MYOF: variants seen among roughly 807,000 people sequenced by gnomAD.
MYOF encodes myoferlin, also known as fer-1-like 3, myoferlin.
A neutral mutation model predicts 284.2 loss-of-function variants in MYOF; 244 were observed. That is an observed-to-expected ratio of 0.86 (90% confidence interval 0.77 to 0.95). The LOEUF is 0.95. Ranked by LOEUF, MYOF falls within the 40% of genes least tolerant of loss-of-function variation. The pLI, the probability that MYOF is intolerant of heterozygous loss-of-function variation, is 0.00. For synonymous variants in MYOF, 904 were observed against 919.7 expected (o/e 0.98, Z 0.31); for missense variants, 2,496 against 2,560.6 (o/e 0.97, Z 0.54).
In MYOF at chr10:93,429,939, A is replaced by AT. The variant is rs373810655; in HGVS notation, c.345+1468dup. ...ATATTAAGATGTACTTATTTTTTTA[A>AT]TTTTTTTTTTTTTGAGATGGAGTCT... On this transcript the variant is annotated intron_variant, in intron 4 of 53. Coordinates refer to ENST00000359263, the MANE Select transcript of MYOF (RefSeq NM_013451.4). Among the ~76,000 whole-genome samples, 897 of 145,546 alleles carry AT rather than the reference A, an allele frequency of 6.2e-3. 4 individuals carry two copies. Among genetic ancestry groups the AT allele is most frequent in the Middle Eastern group, 0.018 (5 of 274 alleles).
chr10:93,349,494 G>A (rs888334467), intron 36 of MYOF, among the ~76,000 whole-genome samples: 5 of 152,218 alleles, frequency 3.3e-5, no homozygotes, highest in South Asian at 2.1e-4. Context: ...ATGACTGGGG[G>A]TTAATATTCT....
chr10:93,469,485 A>G (rs1016191200), intron 1 of MYOF, among the ~76,000 whole-genome samples: 3 of 152,168 alleles, frequency 2.0e-5, no homozygotes, highest in African/African-American at 7.2e-5. Flanking sequence ...CATGGAAGCC[A>G]TCATAATGTG....
At chr10:93,368,028 G>A (rs1232141226) in intron 25 of MYOF, among the ~76,000 whole-genome samples, 5 of 151,924 alleles carry the variant, frequency 3.3e-5, no homozygotes, top group African/African-American at 1.2e-4. Flanking sequence ...GGGAAAGAGT[G>A]GAAGGAAGCC....
At chr10:93,409,340 A>T (rs953026286) in intron 6 of MYOF, among the ~76,000 whole-genome samples, 1 of 152,148 alleles carries the variant, frequency 6.6e-6, no homozygotes, top group African/African-American at 2.4e-5. Context: ...TGCCAAAGGG[A>T]AGGAGAATTA....
chr10:93,329,958 G>T, intron 43 of MYOF, 124 bp from the exon 44 acceptor site: 2 of 947,596 alleles, frequency 2.1e-6, no homozygotes, highest in Non-Finnish European at 1.6e-6. Context: ...ATCTGAGCAG[G>T]ATAACCAGGG....
At chr10:93,442,102 T>C (rs867552870) in intron 3 of MYOF, among the ~76,000 whole-genome samples, 44 of 150,880 alleles carry the variant, frequency 2.9e-4, no homozygotes, top group African/African-American at 1.1e-3. Flanking sequence ...CTATGTAAAA[T>C]CCACATGCTT....
chr10:93,353,790 T>C (rs201079530), intron 32 of MYOF, 21 bp downstream of exon 32: 7 of 1,585,584 alleles, frequency 4.4e-6, no homozygotes, highest in African/African-American at 1.4e-5. Flanking sequence ...ATGTGTAGCA[T>C]GTAGATTTTT....
chr10:93,471,966 C>T (rs1589619741), intron 1 of MYOF, among the ~76,000 whole-genome samples: 3 of 152,070 alleles, frequency 2.0e-5, no homozygotes, highest in South Asian at 2.1e-4. Context: ...ATTTCCCACA[C>T]GTCTTTGGCT....
chr10:93,400,885 G>A (rs1847261402), intron 12 of MYOF, among the ~76,000 whole-genome samples: 1 of 127,462 alleles, frequency 7.8e-6, no homozygotes, highest in African/African-American at 3.1e-5. Flanking sequence ...TTGAGATGGA[G>A]TCTCACTCTG....
In MYOF at chr10:93,454,195, A is replaced by G. The variant is rs2056675886; in HGVS notation, c.145-2054T>C. On this transcript the variant is annotated intron_variant, in intron 2 of 53. Transcript: ENST00000359263. ...AAAACTCCATCTTAAAAGAAAAAAG[A>G]AAAAAAAGAACACACCCAGCACCAG... Among the ~76,000 whole-genome samples the G allele has an allele frequency of 2.6e-5, 4 of 152,106 alleles. No homozygotes were observed. The South Asian group carries it at 8.3e-4, about 32-fold the overall frequency.
intron 10 of MYOF, 50 bp from the exon 11 acceptor site, chr10:93,402,397 A>G (rs754017759): frequency 7.0e-7 from 1 of 1,419,790 alleles, no homozygotes; most frequent in Admixed American, 1.7e-5. Context: ...AAAGGTACTG[A>G]TAAGTCTGTG....
rs192889732 is a variant in MYOF, at chr10:93,442,827, T to C, written c.236+9223A>G. Among the ~76,000 whole-genome samples, 11 of 152,316 alleles carry C rather than the reference T, an allele frequency of 7.2e-5. No homozygotes were observed. In the East Asian group the frequency reaches 1.2e-3, roughly 16 times the overall value. On this transcript the variant is annotated intron_variant, in intron 3 of 53. Transcript: ENST00000359263. ...ATCTTCCATGTCCCTACTAGCATGC[T>C]CAAGCAATTCTCCACCTTCTTGAAT...
At position 93,333,331 on chromosome 10, in the gene MYOF, G is replaced by A. The variant is rs754102127; in HGVS notation, c.4720-19C>T. The A allele has an allele frequency of 1.7e-5, 28 of 1,600,082 alleles. No individual in the cohort carries two copies. The highest frequency in any genetic ancestry group is 2.2e-5 in the East Asian group (1 of 44,836). ...GGTCACACTGTGGGACAAAATAGAC[G>A]GGATGTTACATCATTGTAGGGCGCA... On this transcript the variant is annotated intron_variant, in intron 42 of 53. Transcript: ENST00000359263.
Position 93,397,245 on chromosome 10 carries a change from AC to A in MYOF, c.1334+1del. On this transcript the variant is annotated splice_donor_variant, in intron 15 of 53. Transcript: ENST00000359263. LOFTEE classifies it high-confidence loss of function. Reference sequence around the variant, plus strand: ...TTAGACACATACGTATTTTCAACTCACCAGTCATATATTGTTAGTTTTATTT... The same window carrying A: ...TTAGACACATACGTATTTTCAACTCACAGTCATATATTGTTAGTTTTATTT... 6.3e-7 allele frequency: 1 copy of A among 1,582,366 alleles called. No individual in the cohort carries two copies. The highest frequency in any genetic ancestry group is 1.1e-5 in the South Asian group (1 of 88,782).
Position 93,306,897 on chromosome 10 carries a change from T to C in MYOF, c.*66A>G. ...GTCTCAGACACAAAATCACACTGGA[T>C]GTTGGTCTACAGAGGCAGGATTCTC... On this transcript the variant is annotated 3_prime_UTR_variant, in exon 54 of 54. Coordinates refer to ENST00000359263, the MANE Select transcript of MYOF (RefSeq NM_013451.4). The C allele has an allele frequency of 6.6e-7, 1 of 1,507,080 alleles. No homozygotes were observed. The highest frequency in any genetic ancestry group is 9.2e-7 in the Non-Finnish European group (1 of 1,084,902). 93.4% of individuals were successfully genotyped at this position (1,507,080 alleles called of 1,614,324 possible).
At position 93,372,975 on chromosome 10, in the gene MYOF, A is replaced by G. The variant is rs569246757; in HGVS notation, c.2412T>C (p.Asn804=). The G allele has an allele frequency of 6.2e-7, 1 of 1,614,206 alleles. No individual in the cohort carries two copies. Among genetic ancestry groups the G allele is most frequent in the African/African-American group, 1.3e-5 (1 of 75,040 alleles). ...TTTTCCCACAGTATTTTCCAGATGCATTCTCACCACTGGTGGAGTACAAGA... is the reference window on the plus strand; with the variant it reads ...TTTTCCCACAGTATTTTCCAGATGCGTTCTCACCACTGGTGGAGTACAAGA... The part of the protein sequence containing the change: ...HQVLYSTSGE[N]ASGKYCGKTQ... The change falls in exon 24 of 54, where the codon AAT becomes AAC. Residue 804 remains asparagine, a synonymous_variant. Transcript: ENST00000359263.
At chr10:93,382,787 C>T (rs577339507) in intron 19 of MYOF, among the ~76,000 whole-genome samples, 1 of 152,208 alleles carries the variant, frequency 6.6e-6, no homozygotes, top group African/African-American at 2.4e-5. Context: ...TTCATTATGT[C>T]CCGTGCATTC....
chr10:93,462,804 A>G (rs1051886995), intron 1 of MYOF, among the ~76,000 whole-genome samples: 3 of 152,074 alleles, frequency 2.0e-5, no homozygotes, highest in Non-Finnish European at 4.4e-5. Context: ...ATATTAGTCA[A>G]TTATTTTATT....
chr10:93,446,250 G>A (rs1190491812), intron 3 of MYOF, among the ~76,000 whole-genome samples: 1 of 151,898 alleles, frequency 6.6e-6, no homozygotes, highest in Admixed American at 6.6e-5. Context: ...TGCAGGATGA[G>A]AGATAATGTT....
Sources: allele counts gnomAD v4.1 joint callset (sites outside exome capture counted in the v4.1 genomes callset), GRCh38; gene constraint gnomAD v4.1.1; transcripts MANE v1.5; gene names NCBI Gene and HGNC (gene_info 2026-07-23, HGNC 2026-07-21).